Variants in EIPR1 observed in about 807,000 individuals in gnomAD.
EIPR1 encodes EARP and GARP complex-interacting protein 1.
EIPR1 carries 25 observed loss-of-function variants against 48.1 expected under a neutral mutation model. The observed-to-expected ratio is 0.52, with a 90% CI of 0.38 to 0.73. The LOEUF is 0.73. Ranked by LOEUF, EIPR1 falls within the 30% of genes least tolerant of loss-of-function variation. The probability of loss-of-function intolerance (pLI) is 0.00; values close to 1 mark genes in which losing one functional copy is unlikely to be tolerated. For synonymous variants in EIPR1, 204 were observed against 201.9 expected, an observed-to-expected ratio of 1.01 and a Z score of -0.09; for missense variants, 415 against 506.2, an observed-to-expected ratio of 0.82 and a Z score of 1.73.
chr2:3,237,134 C>T (rs558295315), intron 4 of EIPR1, among the ~76,000 whole-genome samples: 92 of 151,048 alleles, frequency 6.1e-4, no homozygotes, highest in African/African-American at 1.8e-3. Flanking sequence ...ATGGGGAGGG[C>T]GAGGAGAACT....
chr2:3,289,720 C>T (rs961120106), intron 3 of EIPR1, among the ~76,000 whole-genome samples: 1 of 152,256 alleles, frequency 6.6e-6, no homozygotes, highest in African/African-American at 2.4e-5. Context: ...CAGCCACCAG[C>T]TTCAGCAGAC....
chr2:3,304,492 G>T (rs1388448748), intron 3 of EIPR1, among the ~76,000 whole-genome samples: 2 of 7,202 alleles, frequency 2.8e-4, no homozygotes, highest in Non-Finnish European at 2.7e-4. Flanking sequence ...CAGCCCTCCA[G>T]TCCCATCAGT....
chr2:3,291,073 A>T (rs1668350191), intron 3 of EIPR1, among the ~76,000 whole-genome samples: 1 of 152,214 alleles, frequency 6.6e-6, no homozygotes, highest in African/African-American at 2.4e-5. Flanking sequence ...CACGGCTGGC[A>T]TTGATGAGGA....
intron 3 of EIPR1, among the ~76,000 whole-genome samples, chr2:3,305,931 C>T (rs1258994387): frequency 6.7e-6 from 1 of 150,152 alleles, no homozygotes; most frequent in Non-Finnish European, 1.5e-5. Context: ...TACATATTAC[C>T]ATCATCACGC....
intron 3 of EIPR1, among the ~76,000 whole-genome samples, chr2:3,284,959 G>C (rs1189358896): frequency 6.6e-6 from 1 of 152,170 alleles, no homozygotes; most frequent in Non-Finnish European, 1.5e-5. Flanking sequence ...CAAGAAAGAA[G>C]AACAGACGTG....
chr2:3,199,153 T>C (rs1664924142), intron 5 of EIPR1, among the ~76,000 whole-genome samples: 1 of 150,374 alleles, frequency 6.7e-6, no homozygotes, highest in African/African-American at 2.4e-5. Context: ...ATTTATCTTA[T>C]CCGTTTTGGT....
chr2:3,306,175 G>C (rs1305979045), intron 3 of EIPR1, among the ~76,000 whole-genome samples: 11 of 152,224 alleles, frequency 7.2e-5, no homozygotes, highest in Non-Finnish European at 1.5e-4. Context: ...CGTCATGCTA[G>C]CGGTGGCCTG....
chr2:3,352,710 T>A (rs1361456834), intron 2 of EIPR1, among the ~76,000 whole-genome samples: 2 of 152,230 alleles, frequency 1.3e-5, no homozygotes, highest in African/African-American at 4.8e-5. Flanking sequence ...AGAAAAAGGA[T>A]GAGTGGCTGG....
intron 3 of EIPR1, chr2:3,300,803 A>G (rs983106394): frequency 1.3e-5 from 2 of 152,240 alleles, no homozygotes; most frequent in African/African-American, 4.8e-5. Context: ...CATGTTTTCT[A>G]CAAGAGAGTA....
chr2:3,337,708 A>G (rs1190985856), intron 3 of EIPR1, among the ~76,000 whole-genome samples: 1 of 152,144 alleles, frequency 6.6e-6, no homozygotes, highest in Non-Finnish European at 1.5e-5. Context: ...GCTGCTCCCC[A>G]CAACGTACAG....
intron 4 of EIPR1, among the ~76,000 whole-genome samples, chr2:3,214,996 T>C (rs759618549): frequency 3.3e-5 from 5 of 152,184 alleles, no homozygotes; most frequent in Admixed American, 6.5e-5. Flanking sequence ...AGAAGGCAGC[T>C]GTCTACACAT....
intron 4 of EIPR1, among the ~76,000 whole-genome samples, chr2:3,227,421 C>T (rs775833225): frequency 1.3e-5 from 2 of 152,056 alleles, no homozygotes; most frequent in Non-Finnish European, 2.9e-5. Flanking sequence ...ACTTTGAACT[C>T]GAGAGAGATG....
chr2:3,240,386 C>T (rs1216207422), intron 4 of EIPR1, among the ~76,000 whole-genome samples: 3 of 151,032 alleles, frequency 2.0e-5, no homozygotes, highest in Non-Finnish European at 4.4e-5. Context: ...GCCAGCAGAT[C>T]CTTCCTAAAG....
chr2:3,295,878 A>T (rs1449094983), intron 3 of EIPR1, among the ~76,000 whole-genome samples: 1 of 87,598 alleles, frequency 1.1e-5, no homozygotes, highest in Non-Finnish European at 2.2e-5. Context: ...CTCTGCACAC[A>T]CCCTCCATCC....
At chr2:3,294,937 A>T (rs1178674498) in intron 3 of EIPR1, among the ~76,000 whole-genome samples, 1 of 53,254 alleles carries the variant, frequency 1.9e-5, no homozygotes, top group African/African-American at 7.2e-5. Context: ...CATCCAGCCC[A>T]TCCTCTCTAC....
chr2:3,221,990 G>T (rs1354367096), intron 4 of EIPR1, among the ~76,000 whole-genome samples: 2 of 149,190 alleles, frequency 1.3e-5, no homozygotes, highest in Non-Finnish European at 3.0e-5. Flanking sequence ...TCCCCTCGCG[G>T]TTTTTTTTTT....
At chr2:3,234,984 A>G (rs1666355509) in intron 4 of EIPR1, among the ~76,000 whole-genome samples, 1 of 152,278 alleles carries the variant, frequency 6.6e-6, no homozygotes. Flanking sequence ...CTCCTCAAGA[A>G]AATAGCTTTC....
At chr2:3,288,800 A>G (rs4854164) in intron 3 of EIPR1, among the ~76,000 whole-genome samples, 53,565 of 152,130 alleles carry the variant, frequency 0.35, 9,575 homozygotes, top group African/African-American at 0.38. Flanking sequence ...AGCACGCAGC[A>G]GCCATGATAC....
intron 4 of EIPR1, among the ~76,000 whole-genome samples, chr2:3,242,597 GAC>G (rs1487054288): frequency 6.6e-6 from 1 of 152,222 alleles, no homozygotes; most frequent in Non-Finnish European, 1.5e-5. Flanking sequence ...ACGGCTGGAA[GAC>G]AGAGATTTCA....
Sources: gnomAD v4.1 joint callset for allele counts (sites outside exome capture counted in the v4.1 genomes callset) on GRCh38, gnomAD v4.1.1 for gene constraint, MANE v1.5 for transcripts, NCBI Gene and HGNC (gene_info 2026-07-23, HGNC 2026-07-21) for gene names.